GMDS: variants seen among roughly 807,000 people sequenced by gnomAD.
GMDS encodes GDP-mannose 4,6-dehydratase.
In GMDS, 20 loss-of-function variants were observed where a neutral mutation model predicts 49.9. The ratio of observed to expected loss-of-function variants is 0.40; its 90% CI spans 0.28 to 0.58. GMDS has a LOEUF of 0.58. Among genes scored for constraint, GMDS ranks in the 20% least tolerant of loss-of-function variants. The pLI is 0.42. For missense variants in GMDS, 362 were observed against 481.4 expected (o/e 0.75, Z 2.32); for synonymous variants, 177 against 178.6 (o/e 0.99, Z 0.07).
At chr6:1,820,877 A>AT (rs140681764) in intron 7 of GMDS, among the ~76,000 whole-genome samples, 1 of 152,300 alleles carries the variant, frequency 6.6e-6, no homozygotes, top group African/African-American at 2.4e-5. Flanking sequence ...CAACATAGAA[A>AT]TCTCTGCTCC....
chr6:2,063,593 A>G (rs1377845357), intron 4 of GMDS, among the ~76,000 whole-genome samples: 4 of 152,256 alleles, frequency 2.6e-5, no homozygotes, highest in Non-Finnish European at 4.4e-5. Context: ...AGAAACTGCT[A>G]ACACTACAGT....
chr6:2,065,818 G>C (rs1249617243), intron 4 of GMDS, among the ~76,000 whole-genome samples: 3 of 152,192 alleles, frequency 2.0e-5, no homozygotes, highest in Admixed American at 2.0e-4. Context: ...AAGTCACGGG[G>C]AGAATGGAAC....
intron 4 of GMDS, among the ~76,000 whole-genome samples, chr6:2,104,921 G>A (rs539947378): frequency 4.3e-4 from 65 of 152,032 alleles, no homozygotes; most frequent in Admixed American, 2.6e-3. Flanking sequence ...GGTGGCTCAC[G>A]CCTATAATCC....
At chr6:1,998,128 A>G (rs1049027684) in intron 4 of GMDS, among the ~76,000 whole-genome samples, 9 of 152,180 alleles carry the variant, frequency 5.9e-5, no homozygotes, top group Non-Finnish European at 1.2e-4. Flanking sequence ...TCTGAAAGTG[A>G]CCTTCCAGAA....
chr6:1,878,187 C>T (rs746849206), intron 7 of GMDS, among the ~76,000 whole-genome samples: 2 of 151,862 alleles, frequency 1.3e-5, no homozygotes, highest in East Asian at 3.9e-4. Context: ...TGGTGGCGGG[C>T]ACCTGTAGTC....
rs1202713162 is a variant in GMDS at position 2,032,946 on chromosome 6, C to G, written c.346-71980G>C. Among the ~76,000 whole-genome samples, 7 of 152,170 alleles carry G rather than the reference C, an allele frequency of 4.6e-5. No individual in the cohort carries two copies. The East Asian group carries it at 1.3e-3, about 29-fold the overall frequency. On this transcript the variant is annotated intron_variant, in intron 4 of 10. Coordinates refer to ENST00000380815, the MANE Select transcript of GMDS (RefSeq NM_001500.4). ...CTTCTAACACCAATCTGGAACTTCT[C>G]AAATTTCATTTTTAAAAATTCTAAA...
chr6:1,992,545 C>T (rs1182905124), intron 4 of GMDS, among the ~76,000 whole-genome samples: 2 of 152,192 alleles, frequency 1.3e-5, no homozygotes, highest in East Asian at 3.8e-4. Context: ...AAATGTTTCC[C>T]CTAGAAATCT....
chr6:2,136,546 A>AC (rs771862185), intron 1 of GMDS, among the ~76,000 whole-genome samples: 20 of 152,198 alleles, frequency 1.3e-4, no homozygotes, highest in Non-Finnish European at 2.5e-4. Flanking sequence ...ACATAGTGAG[A>AC]CCCCATCTCT....
intron 4 of GMDS, among the ~76,000 whole-genome samples, chr6:1,962,419 G>A (rs970197896): frequency 6.6e-6 from 1 of 152,204 alleles, no homozygotes; most frequent in African/African-American, 2.4e-5. Context: ...ACCTAGGAAT[G>A]TAGTTGCTGG....
intron 9 of GMDS, among the ~76,000 whole-genome samples, chr6:1,634,964 G>A (rs1188390393): frequency 6.6e-6 from 1 of 152,162 alleles, no homozygotes; most frequent in Non-Finnish European, 1.5e-5. Flanking sequence ...ATCTGAATGA[G>A]AACGTTTTTA....
chr6:1,894,796 A>G (rs914018817), intron 7 of GMDS, among the ~76,000 whole-genome samples: 3 of 152,218 alleles, frequency 2.0e-5, no homozygotes, highest in Non-Finnish European at 4.4e-5. Flanking sequence ...TAAATCTAAA[A>G]GTACTCTTAG....
chr6:1,844,953 A>C (rs558655899), intron 7 of GMDS, among the ~76,000 whole-genome samples: 52 of 152,192 alleles, frequency 3.4e-4, no homozygotes, highest in Non-Finnish European at 6.0e-4. Flanking sequence ...CAGGAAGGAA[A>C]ATTTGGCCTC....
chr6:2,159,514 C>CTTTTTTTTTTTTTTT (rs1157303919), intron 1 of GMDS, among the ~76,000 whole-genome samples: 11 of 108,204 alleles, frequency 1.0e-4, no homozygotes, highest in East Asian at 5.3e-4. Flanking sequence ...TTCTTTTTTT[C>CTTTTTTTTTTTTTTT]TTTTTTTTTT....
chr6:1,984,458 TAAGAA>T (rs1248362484), intron 4 of GMDS, among the ~76,000 whole-genome samples: 4 of 151,442 alleles, frequency 2.6e-5, no homozygotes, highest in Non-Finnish European at 4.4e-5. Context: ...GAGGTATAAT[TAAGAA>T]ACAGGGCTGG....
intron 9 of GMDS, among the ~76,000 whole-genome samples, chr6:1,714,981 G>A (rs1473808456): frequency 6.6e-6 from 1 of 152,230 alleles, no homozygotes; most frequent in Non-Finnish European, 1.5e-5. Flanking sequence ...GCTTGTGTGA[G>A]ACAGTTGGGA....
In GMDS at chr6:1,808,211, G is replaced by A. The variant is rs184217887; in HGVS notation, c.772-65625C>T. On this transcript the variant is annotated intron_variant, in intron 7 of 10. Coordinates refer to ENST00000380815, the MANE Select transcript of GMDS (RefSeq NM_001500.4). ...TTGAATGAATGAACAAGTTGCTGCC[G>A]TGCTGTTGGTTTGATCCTATTTCTC... Among the ~76,000 whole-genome samples the A allele has an allele frequency of 5.9e-5, 9 of 152,328 alleles. No individual in the cohort carries two copies. In the East Asian group the frequency reaches 1.2e-3, roughly 20 times the overall value.
intron 7 of GMDS, among the ~76,000 whole-genome samples, chr6:1,888,293 A>C (rs978674635): frequency 2.0e-5 from 3 of 152,050 alleles, no homozygotes; most frequent in African/African-American, 7.2e-5. Flanking sequence ...TAATCAACTC[A>C]CAGTTCAGCA....
chr6:1,718,792 T>C (rs1051897284), intron 9 of GMDS, among the ~76,000 whole-genome samples: 2 of 149,396 alleles, frequency 1.3e-5, no homozygotes, highest in African/African-American at 4.9e-5. Context: ...ATTTCATATA[T>C]ATATATTTTC....
chr6:2,245,575 G>A lies in GMDS; in HGVS notation c.-153C>T. The stretch of plus-strand genomic sequence containing the variant: ...ACCGCGCGACCGGCCGCCACAGTCT[G>A]ACAGGGGCGCACGGGAGGCCGTGCA... On this transcript the variant is annotated 5_prime_UTR_variant, in exon 1 of 11. Transcript: ENST00000380815. 1 of 415,694 alleles carries A rather than the reference G, an allele frequency of 2.4e-6. No homozygotes were observed. The allele number at this position is 415,694 out of a possible 1,614,324, so 25.8% of individuals were successfully genotyped here.
Sources: gnomAD v4.1 joint callset for allele counts (sites outside exome capture counted in the v4.1 genomes callset) on GRCh38, gnomAD v4.1.1 for gene constraint, MANE v1.5 for transcripts, NCBI Gene and HGNC (gene_info 2026-07-23, HGNC 2026-07-21) for gene names.